The following CASZ1 variants were observed in gnomAD, a reference collection of about 807,000 sequenced individuals.
CASZ1 encodes the protein zinc finger protein castor homolog 1.
CASZ1 carries 28 observed loss-of-function variants against 135.2 expected under a neutral mutation model. The ratio of observed to expected loss-of-function variants is 0.21; its 90% CI spans 0.15 to 0.28. CASZ1 has a LOEUF of 0.28. Among genes scored for constraint, CASZ1 ranks in the 10% least tolerant of loss-of-function variants. The probability of loss-of-function intolerance (pLI) is 1.00; values close to 1 mark genes in which losing one functional copy is unlikely to be tolerated. For synonymous variants in CASZ1, 1,068 were observed against 1,073.4 expected (o/e 0.99, Z 0.10); for missense variants, 2,161 against 2,453.3 (o/e 0.88, Z 2.52).
chr1:10,647,956 G>C lies in CASZ1; in HGVS notation c.3342C>G (p.Pro1114=), dbSNP rs1305320427. The change falls in exon 16 of 21, where the codon CCC becomes CCG. Residue 1114 remains proline, a synonymous_variant. Transcript: ENST00000377022. The surrounding 1 kb of genome is among the most constrained non-coding windows in gnomAD (Gnocchi z 4.9). ...CCAGCTGCTTCCAGGCGAGCAGGGT[G>C]GGGGTGGAGGGCACGGAGGCCGGGC... ...APSPASVPST[P]TLLAWKQLAS... is the part of the protein sequence containing the mutation. 3 of 1,611,588 alleles carry C rather than the reference G, an allele frequency of 1.9e-6. No homozygotes were observed. Among genetic ancestry groups the C allele is most frequent in the Middle Eastern group, 1.7e-4 (1 of 6,048 alleles).
At chr1:10,793,169 T>C (rs780169625) in intron 1 of CASZ1, among the ~76,000 whole-genome samples, 16 of 152,198 alleles carry the variant, frequency 1.1e-4, no homozygotes, top group Non-Finnish European at 1.8e-4. Context: ...CTGACTTTCT[T>C]ATTTTTTTAA....
At chr1:10,683,685 G>A (rs771037257) in intron 4 of CASZ1, among the ~76,000 whole-genome samples, 8 of 152,160 alleles carry the variant, frequency 5.3e-5, no homozygotes, top group Non-Finnish European at 7.3e-5. Flanking sequence ...GAGACAAGTC[G>A]GAGTGCGTTC....
At chr1:10,675,448 G>A (rs1212862948) in intron 4 of CASZ1, among the ~76,000 whole-genome samples, 4 of 152,134 alleles carry the variant, frequency 2.6e-5, no homozygotes, top group Admixed American at 6.5e-5. Context: ...GGGGTGGTCT[G>A]GCATGGGCAG....
intron 13 of CASZ1, 81 bp downstream of exon 13, chr1:10,650,611 C>T: frequency 9.0e-6 from 11 of 1,220,332 alleles, no homozygotes; most frequent in Non-Finnish European, 1.2e-5. Flanking sequence ...CATTAAAAAA[C>T]AAACACATCC....
At chr1:10,752,816 A>T (rs1021720431) in intron 2 of CASZ1, among the ~76,000 whole-genome samples, 42 of 152,212 alleles carry the variant, frequency 2.8e-4, no homozygotes, top group African/African-American at 9.6e-4. Flanking sequence ...TGGGTGGATC[A>T]CCTGAGGTCA....
intron 2 of CASZ1, among the ~76,000 whole-genome samples, chr1:10,740,960 C>CAAAAAAAAAAAAAAAAAAAAAA (rs374464130): frequency 1.6e-5 from 1 of 61,482 alleles, no homozygotes; most frequent in African/African-American, 6.9e-5. Context: ...CCTGTCTGGA[C>CAAAAAAAAAAAAAAAAAAAAAA]AAAAAAAAAA....
intron 2 of CASZ1, among the ~76,000 whole-genome samples, chr1:10,716,054 C>A (rs1357724403): frequency 7.0e-6 from 1 of 142,662 alleles, no homozygotes; most frequent in African/African-American, 2.7e-5. Flanking sequence ...GCACCCAATC[C>A]GCACCCCACA....
intron 1 of CASZ1, among the ~76,000 whole-genome samples, chr1:10,796,258 C>A (rs60558358): frequency 0.046 from 7,063 of 152,150 alleles, 578 homozygotes; most frequent in African/African-American, 0.16. Flanking sequence ...AGCAGCCCTC[C>A]CCTCCCCCGG....
intron 17 of CASZ1, among the ~76,000 whole-genome samples, chr1:10,645,390 C>T (rs911147648): frequency 2.6e-5 from 4 of 152,094 alleles, no homozygotes; most frequent in Non-Finnish European, 4.4e-5. Flanking sequence ...ATTAGCCGGG[C>T]GTGGTGGCGG....
At chr1:10,698,709 AG>A (rs2100425532) in intron 3 of CASZ1, among the ~76,000 whole-genome samples, 1 of 152,102 alleles carries the variant, frequency 6.6e-6, no homozygotes, top group South Asian at 2.1e-4. Context: ...GGGAGGGCTG[AG>A]GGGGACTGGC....
intron 1 of CASZ1, among the ~76,000 whole-genome samples, chr1:10,766,156 C>T (rs902384467): frequency 2.6e-5 from 4 of 151,894 alleles, no homozygotes; most frequent in Admixed American, 6.6e-5. Flanking sequence ...AAATACCGTG[C>T]GGAGGGTCAG....
At chr1:10,649,783 G>A (rs1642500217) in intron 13 of CASZ1, 1 of 178,896 alleles carries the variant, frequency 5.6e-6, no homozygotes, top group African/African-American at 2.4e-5. Flanking sequence ...CTGCCAGAAG[G>A]TTTTCAAAAG....
intron 19 of CASZ1, 58 bp from the exon 20 acceptor site, chr1:10,643,058 G>A (rs920223923): frequency 1.3e-6 from 2 of 1,596,360 alleles, no homozygotes; most frequent in Non-Finnish European, 1.7e-6. Context: ...TGCCCACAGA[G>A]GGCAGGCTGA....
intron 9 of CASZ1, among the ~76,000 whole-genome samples, chr1:10,654,874 G>A (rs1642735724): frequency 6.6e-6 from 1 of 152,232 alleles, no homozygotes. Context: ...TTTTGGCCCA[G>A]GGGAGGGAGC....
intron 1 of CASZ1, among the ~76,000 whole-genome samples, chr1:10,789,599 C>G (rs572494969): frequency 3.9e-5 from 6 of 152,084 alleles, no homozygotes; most frequent in Non-Finnish European, 8.8e-5. Context: ...CTCTCTTTCT[C>G]TACGTGTCTT....
At chr1:10,662,352 A>C (rs926557172) in intron 5 of CASZ1, among the ~76,000 whole-genome samples, 1 of 151,808 alleles carries the variant, frequency 6.6e-6, no homozygotes, top group Non-Finnish European at 1.5e-5. Context: ...ACAATCACAT[A>C]CAACACACAT....
rs1213241551 is a variant in CASZ1 at position 10,694,712 on chromosome 1, G to C, written c.-23-800C>G. Among the ~76,000 whole-genome samples the C allele has an allele frequency of 5.0e-5, 7 of 141,364 alleles. No individual in the cohort carries two copies. The highest frequency in any genetic ancestry group is 9.5e-5 in the Non-Finnish European group (6 of 63,370). The allele number at this position is 141,364 out of a possible 152,430, so 92.7% of individuals were successfully genotyped here. A position where few individuals can be genotyped will look rare whatever the true frequency, so the allele number is the denominator to read the frequency against. ...CCCGCCGCGCGCCCCCGCCGCGCGC[G>C]CCCGCGCCGCACTGGCAGGGCGGCC... is the stretch of plus-strand genomic sequence containing the variant. On this transcript the variant is annotated intron_variant, in intron 3 of 20. Coordinates refer to ENST00000377022, the MANE Select transcript of CASZ1 (RefSeq NM_001079843.3). This position sits in a 1 kb window ranked among gnomAD's most constrained non-coding sequence, Gnocchi z 6.6.
At chr1:10,658,322 A>G (rs1642878236) in intron 7 of CASZ1, 186 bp downstream of exon 7, 1 of 604,876 alleles carries the variant, frequency 1.7e-6, no homozygotes, top group Non-Finnish European at 3.0e-6. Context: ...CACAGAGCGG[A>G]GGGAGGCTCC....
chr1:10,648,277 G>T, intron 15 of CASZ1, 138 bp from the exon 16 acceptor site: 1 of 649,254 alleles, frequency 1.5e-6, no homozygotes, highest in Non-Finnish European at 2.6e-6. Context: ...GAAGTCCCCT[G>T]TGACCCCACC....
Sources: gnomAD v4.1 joint callset for allele counts (sites outside exome capture counted in the v4.1 genomes callset) on GRCh38, gnomAD v4.1.1 for gene constraint, Gnocchi (gnomAD v3.1) non-coding constraint, MANE v1.5 for transcripts, NCBI Gene and HGNC (gene_info 2026-07-23, HGNC 2026-07-21) for gene names.